CCDC102B: variants seen among roughly 807,000 people sequenced by gnomAD.
CCDC102B encodes the protein coiled-coil domain-containing protein 102B.
In CCDC102B, 75 loss-of-function variants were observed where a neutral mutation model predicts 57.4. That is an observed-to-expected ratio of 1.31 (90% CI 1.08 to 1.58). The LOEUF is 1.58. Among genes scored for constraint, CCDC102B ranks in the 40% most tolerant of loss-of-function variants. CCDC102B has a pLI of 0.00. For missense variants in CCDC102B, 636 were observed against 582.6 expected (o/e 1.09, Z -0.94); for synonymous variants, 206 against 201.9 (o/e 1.02, Z -0.17).
chr18:68,940,494 G>A (rs552381555), intron 6 of CCDC102B, among the ~76,000 whole-genome samples: 2 of 151,550 alleles, frequency 1.3e-5, no homozygotes, highest in East Asian at 1.9e-4. Context: ...ATTATTTCAC[G>A]GTCCATTAAA....
intron 7 of CCDC102B, among the ~76,000 whole-genome samples, chr18:69,012,702 T>C (rs548154527): frequency 1.3e-5 from 2 of 152,106 alleles, no homozygotes; most frequent in Non-Finnish European, 2.9e-5. Flanking sequence ...ATATGCATGA[T>C]TCTCTCAGCG....
intron 6 of CCDC102B, among the ~76,000 whole-genome samples, chr18:68,945,122 C>CCACACACA (rs34611934): frequency 0.02 from 2,911 of 143,934 alleles, 36 homozygotes; most frequent in African/African-American, 0.04. Context: ...CTCTCTCTCT[C>CCACACACA]CACACACACA....
chr18:68,964,675 A>G (rs1458771908), intron 6 of CCDC102B, among the ~76,000 whole-genome samples: 4 of 151,822 alleles, frequency 2.6e-5, no homozygotes, highest in South Asian at 2.1e-4. Context: ...ATATTTATCC[A>G]TATTTTACCC....
intron 6 of CCDC102B, among the ~76,000 whole-genome samples, chr18:68,920,473 A>G (rs1403555335): frequency 6.6e-6 from 1 of 152,256 alleles, no homozygotes; most frequent in African/African-American, 2.4e-5. Context: ...CACACTGCTG[A>G]TAAAGATATA....
intron 5 of CCDC102B, among the ~76,000 whole-genome samples, chr18:68,887,596 G>A (rs377418488): frequency 2.0e-5 from 3 of 152,242 alleles, no homozygotes; most frequent in African/African-American, 7.2e-5. Flanking sequence ...TTGAGTAATC[G>A]ATCCTTTCAA....
chr18:69,007,260 A>C (rs935484789), intron 6 of CCDC102B, among the ~76,000 whole-genome samples: 1 of 152,202 alleles, frequency 6.6e-6, no homozygotes, highest in Non-Finnish European at 1.5e-5. Context: ...GAGTATGTTA[A>C]GCTATGAGTT....
chr18:68,765,320 GGAAGGAAAGAAAGAAAGAA>G (rs1568238755), intron 2 of CCDC102B, among the ~76,000 whole-genome samples: 309 of 40,644 alleles, frequency 7.6e-3, no homozygotes, highest in Non-Finnish European at 0.011. Context: ...AAGGAAGGAA[GGAAGGAAAGAAAGAAAGAA>G]AGAAAGAAAG....
At chr18:68,888,998 C>T (rs1342690432) in intron 5 of CCDC102B, among the ~76,000 whole-genome samples, 1 of 148,930 alleles carries the variant, frequency 6.7e-6, no homozygotes, top group Non-Finnish European at 1.5e-5. Flanking sequence ...TTTGAGCTAC[C>T]ATTTTCCTGT....
At chr18:69,002,064 T>C (rs1440491425) in intron 6 of CCDC102B, among the ~76,000 whole-genome samples, 1 of 152,168 alleles carries the variant, frequency 6.6e-6, no homozygotes, top group Non-Finnish European at 1.5e-5. Context: ...TTTAGCCATT[T>C]AGACATAAAG....
chr18:68,852,868 G>T (rs1209313869), intron 4 of CCDC102B, among the ~76,000 whole-genome samples: 1 of 152,164 alleles, frequency 6.6e-6, no homozygotes, highest in Non-Finnish European at 1.5e-5. Flanking sequence ...TTCTGTAGAG[G>T]TAGGTTCACA....
intron 7 of CCDC102B, among the ~76,000 whole-genome samples, chr18:69,021,638 A>T (rs947811172): frequency 3.3e-5 from 5 of 152,338 alleles, no homozygotes; most frequent in Middle Eastern, 3.4e-3. Context: ...AGGATACAGC[A>T]GAAACAATTT....
intron 4 of CCDC102B, among the ~76,000 whole-genome samples, chr18:68,852,907 G>A (rs1201766032): frequency 6.6e-6 from 1 of 152,090 alleles, no homozygotes; most frequent in South Asian, 2.1e-4. Flanking sequence ...GAGTTTCAGG[G>A]CCCCTTTCTT....
intron 2 of CCDC102B, among the ~76,000 whole-genome samples, chr18:68,771,412 G>A (rs1425766094): frequency 2.0e-5 from 3 of 152,162 alleles, no homozygotes; most frequent in Admixed American, 1.3e-4. Context: ...CATCAGGGAC[G>A]TAGTGTGTCA....
chr18:68,939,157 A>G (rs981156541), intron 6 of CCDC102B, among the ~76,000 whole-genome samples: 3 of 151,834 alleles, frequency 2.0e-5, no homozygotes, highest in Admixed American at 6.6e-5. Flanking sequence ...AGTTAAATAC[A>G]TATGAATACT....
intron 7 of CCDC102B, among the ~76,000 whole-genome samples, chr18:69,011,489 T>G (rs2051516675): frequency 6.6e-6 from 1 of 151,900 alleles, no homozygotes; most frequent in Admixed American, 6.6e-5. Context: ...TTATTATATA[T>G]TTTCAGTGTT....
In CCDC102B at chr18:69,054,693, G is replaced by C. The variant is rs2052785916; in HGVS notation, c.*556G>C. On this transcript the variant is annotated 3_prime_UTR_variant, in exon 8 of 8. Transcript: ENST00000360242. ...AAAACAGAAGTGAGCAGATGAATCA[G>C]AAAAAAGTGTTTTGTATTTTAAAGT... The C allele has an allele frequency of 1.0e-6, 1 of 983,652 alleles. No homozygotes were observed. The highest frequency in any genetic ancestry group is 4.7e-5 in the South Asian group (1 of 21,256). The allele number at this position is 983,652 out of a possible 1,614,324, so 60.9% of individuals were successfully genotyped here. A position where few individuals can be genotyped will look rare whatever the true frequency, so the allele number is the denominator to read the frequency against.
chr18:68,862,343 C>T (rs2038797949), intron 4 of CCDC102B, among the ~76,000 whole-genome samples: 1 of 152,064 alleles, frequency 6.6e-6, no homozygotes. Context: ...AATGTGTAAC[C>T]TTGGATTGTT....
chr18:68,844,159 AT>A (rs1275360494), intron 3 of CCDC102B, among the ~76,000 whole-genome samples: 2 of 151,954 alleles, frequency 1.3e-5, no homozygotes, highest in African/African-American at 4.8e-5. Context: ...TTCTTTGAAA[AT>A]TTTTGAATTT....
intron 2 of CCDC102B, among the ~76,000 whole-genome samples, chr18:68,765,846 CT>C (rs953325534): frequency 6.6e-6 from 1 of 151,574 alleles, no homozygotes; most frequent in Non-Finnish European, 1.5e-5. Flanking sequence ...TTCTTTCTTT[CT>C]TTTTTTTAGT....
Sources: gnomAD v4.1 joint callset for allele counts (sites outside exome capture counted in the v4.1 genomes callset) on GRCh38, gnomAD v4.1.1 for gene constraint, MANE v1.5 for transcripts, NCBI Gene and HGNC (gene_info 2026-07-23, HGNC 2026-07-21) for gene names.